The following GLI1 variants were observed in gnomAD, a reference collection of about 807,000 sequenced individuals.
GLI1 encodes the protein GLI family zinc finger 1, also known as transcription activator GLI1.
GLI1 carries 51 observed loss-of-function variants against 87.8 expected under a neutral mutation model. The ratio of observed to expected loss-of-function variants is 0.58; its 90% CI spans 0.46 to 0.73. The LOEUF (loss-of-function observed/expected upper bound fraction) is 0.73. Ranked by LOEUF, GLI1 falls within the 30% of genes least tolerant of loss-of-function variation. The pLI, the probability that GLI1 is intolerant of heterozygous loss-of-function variation, is 0.00. For synonymous variants in GLI1, 528 were observed against 558.2 expected, an observed-to-expected ratio of 0.95 and a Z score of 0.76; for missense variants, 1,292 against 1,437.2, an observed-to-expected ratio of 0.90 and a Z score of 1.63.
chr12:57,464,452 C>T (rs753664937), intron 3 of GLI1, among the ~76,000 whole-genome samples: 8 of 150,808 alleles, frequency 5.3e-5, no homozygotes, highest in Non-Finnish European at 8.8e-5. Context: ...AACCTGGGAA[C>T]GCAGAGGTTG....
Position 57,463,905 on chromosome 12 carries a change from T to C in GLI1, c.101-94T>C. On this transcript the variant is annotated intron_variant, in intron 2 of 11. Coordinates refer to ENST00000228682, the MANE Select transcript of GLI1 (RefSeq NM_005269.3). The stretch of plus-strand genomic sequence containing the variant: ...CAGGAGGATTTGAGGCCCCATGTCA[T>C]ATGGACCTGGAATCTGGGATCAGGT... The C allele has an allele frequency of 3.7e-6, 4 of 1,070,570 alleles. No individual in the cohort carries two copies. The South Asian group carries it at 5.1e-5, about 14-fold the overall frequency. The allele number at this position is 1,070,570 out of a possible 1,614,324, so 66.3% of individuals were successfully genotyped here.
At position 57,469,609 on chromosome 12, in the gene GLI1, G is replaced by A. The variant is rs759027001; in HGVS notation, c.1487G>A (p.Arg496His). The part of the protein sequence containing the change: ...CIAGTGLSTL[R>H]RLENLRLDQL... ...GCTGGCACTGGTCTGTCCACTCTTCGCCGCCTTGAGAACCTCAGGCTGGAC... is the reference window on the plus strand; with the variant it reads ...GCTGGCACTGGTCTGTCCACTCTTCACCGCCTTGAGAACCTCAGGCTGGAC... Residue 496 changes from arginine (R) to histidine (H), a missense_variant, in exon 11 of 12, where the codon CGC becomes CAC. Transcript: ENST00000228682. 3.1e-6 allele frequency: 5 copies of A among 1,614,050 alleles called. No individual in the cohort carries two copies. Among genetic ancestry groups the A allele is most frequent in the East Asian group, 2.2e-5 (1 of 44,870 alleles).
At chr12:57,463,180 G>A (rs1871253200) in intron 1 of GLI1, among the ~76,000 whole-genome samples, 1 of 152,134 alleles carries the variant, frequency 6.6e-6, no homozygotes, top group Non-Finnish European at 1.5e-5. Flanking sequence ...GCCTCTCTGG[G>A]ACATCATTTC....
Position 57,471,526 on chromosome 12 carries a change from A to C in GLI1, c.2786A>C (p.Lys929Thr). Residue 929 changes from lysine (K) to threonine (T), a missense_variant, in exon 12 of 12, where the codon AAG (lysine) becomes ACG (threonine). Transcript: ENST00000228682. The surrounding 1 kb of genome is among the most constrained non-coding windows in gnomAD (Gnocchi z 4.9). The part of the protein sequence containing the change: ...PAQEPSYQSP[K>T]FLGGSQVSPS... The stretch of plus-strand genomic sequence containing the variant: ...CAGGAACCTTCCTACCAGAGTCCCA[A>C]GTTTCTGGGGGGTTCCCAGGTTAGC... 6.2e-7 allele frequency: 1 copy of C among 1,612,538 alleles called. No individual in the cohort carries two copies. Among genetic ancestry groups the C allele is most frequent in the Non-Finnish European group, 8.5e-7 (1 of 1,179,420 alleles).
At chr12:57,468,925 T>C (rs896587032) in intron 10 of GLI1, among the ~76,000 whole-genome samples, 3 of 152,112 alleles carry the variant, frequency 2.0e-5, no homozygotes, top group African/African-American at 7.2e-5. Flanking sequence ...CTAATTTTTT[T>C]GTATTTTTAG....
intron 1 of GLI1, among the ~76,000 whole-genome samples, chr12:57,461,663 A>G (rs1162080888): frequency 6.6e-6 from 1 of 151,718 alleles, no homozygotes; most frequent in South Asian, 2.1e-4. Flanking sequence ...CCCCACCCCT[A>G]TGGCTCGCTC....
chr12:57,463,631 C>T, intron 1 of GLI1, 34 bp from the exon 2 acceptor site: 1 of 999,068 alleles, frequency 1.0e-6, no homozygotes, highest in Non-Finnish European at 1.6e-6. Flanking sequence ...GTCTCTATTT[C>T]CTCCACCTTT....
intron 5 of GLI1, 55 bp downstream of exon 5, chr12:57,465,310 T>G: frequency 7.1e-7 from 1 of 1,408,852 alleles, no homozygotes; most frequent in Non-Finnish European, 9.8e-7. Flanking sequence ...GGGTGGGTGG[T>G]GGATTTTGTA....
intron 1 of GLI1, 109 bp from the exon 2 acceptor site, chr12:57,463,556 T>G: frequency 1.4e-6 from 1 of 689,924 alleles, no homozygotes; most frequent in South Asian, 1.5e-5. Context: ...GCAGATGTCT[T>G]AGAGGGGTGG....
At position 57,471,876 on chromosome 12, in the gene GLI1, C is replaced by A; in HGVS notation, c.3136C>A (p.Gln1046Lys). Residue 1046 changes from glutamine (Q) to lysine (K), a missense_variant, in exon 12 of 12, where the codon CAG becomes AAG. Coordinates refer to ENST00000228682, the MANE Select transcript of GLI1 (RefSeq NM_005269.3). The surrounding 1 kb of genome is among the most constrained non-coding windows in gnomAD (Gnocchi z 4.9). ...GGACTCTCTTGATCTTGACAACACT[C>A]AGCTGGACTTTGTGGCTATTCTGGA... is the stretch of plus-strand genomic sequence containing the variant. Reference protein sequence around the residue: ...PLDSLDLDNTQLDFVAILDEP... With the variant: ...PLDSLDLDNTKLDFVAILDEP... 6.3e-7 allele frequency: 1 copy of A among 1,598,068 alleles called. No individual in the cohort carries two copies. Among genetic ancestry groups the A allele is most frequent in the East Asian group, 2.2e-5 (1 of 44,812 alleles).
intron 3 of GLI1, 114 bp downstream of exon 3, chr12:57,464,205 G>T: frequency 1.3e-6 from 1 of 774,986 alleles, no homozygotes. Context: ...GAGATGTGAG[G>T]CGTCAGAGCA....
At chr12:57,468,316 T>C (rs2139860468) in intron 10 of GLI1, 92 bp downstream of exon 10, 1 of 766,954 alleles carries the variant, frequency 1.3e-6, no homozygotes, top group Non-Finnish European at 2.2e-6. Flanking sequence ...TTCCCTCCTA[T>C]AGAAGTCACT....
chr12:57,470,707 G>T lies in GLI1; in HGVS notation c.1967G>T (p.Arg656Met). 6.2e-7 allele frequency: 1 copy of T among 1,612,532 alleles called. No homozygotes were observed. Among genetic ancestry groups the T allele is most frequent in the Non-Finnish European group, 8.5e-7 (1 of 1,179,270 alleles). The change falls in exon 12 of 12, where the codon AGG becomes ATG. Residue 656 changes from arginine (R) to methionine (M), a missense_variant. By Grantham distance (91) the Arg-to-Met change is moderately conservative (BLOSUM62 -1). This residue lies in a region of GLI1 where 897 missense variants were observed against 1,040.7 expected (regional missense o/e 0.86). Transcript: ENST00000228682. ...ADRPAPARVQ[R>M]FKSLGCVHTP... ...CGTCCTGCTCCAGCTAGAGTCCAGAGGTTCAAGAGCCTGGGCTGTGTCCAT... is the reference window on the plus strand; with the variant it reads ...CGTCCTGCTCCAGCTAGAGTCCAGATGTTCAAGAGCCTGGGCTGTGTCCAT...
Position 57,471,995 on chromosome 12 carries a change from G to A in GLI1, c.3255G>A (p.Val1085=). ...CCTCTGGGCCCCCCAACATGGCTGTGGGCAACATGAGTGTCTTACTGAGAT... is the reference window on the plus strand; with the variant it reads ...CCTCTGGGCCCCCCAACATGGCTGTAGGCAACATGAGTGTCTTACTGAGAT... ...PPPSGPPNMA[V]GNMSVLLRSL... Residue 1085 remains valine (V), a synonymous_variant, in exon 12 of 12, where the codon GTG becomes GTA. Coordinates refer to ENST00000228682, the MANE Select transcript of GLI1 (RefSeq NM_005269.3). The surrounding 1 kb of genome is among the most constrained non-coding windows in gnomAD (Gnocchi z 4.9). The A allele has an allele frequency of 6.4e-7, 1 of 1,571,944 alleles. No homozygotes were observed. The highest frequency in any genetic ancestry group is 8.6e-7 in the Non-Finnish European group (1 of 1,162,010).
chr12:57,470,599 G>A lies in GLI1; in HGVS notation c.1859G>A (p.Trp620Ter), dbSNP rs1474754798. ...ATAGGTGGTCTTCCCATGCCTCCTTGGAGAAGCCGAGCCGAGTATCCAGGA... is the reference window on the plus strand; with the variant it reads ...ATAGGTGGTCTTCCCATGCCTCCTTAGAGAAGCCGAGCCGAGTATCCAGGA... ...DRIGGLPMPPWRSRAEYPGYN... is the reference protein window; with the variant it reads ...DRIGGLPMPP The change falls in exon 12 of 12, where the codon TGG becomes TAG. Residue 620 changes from tryptophan (W) to a stop codon, truncating the protein, a stop_gained. Coordinates refer to ENST00000228682, the MANE Select transcript of GLI1 (RefSeq NM_005269.3). LOFTEE classifies it high-confidence loss of function. 2 of 1,614,052 alleles carry A rather than the reference G, an allele frequency of 1.2e-6. No individual in the cohort carries two copies. The highest frequency in any genetic ancestry group is 1.7e-6 in the Non-Finnish European group (2 of 1,180,014).
intron 10 of GLI1, 88 bp downstream of exon 10, chr12:57,468,312 C>T (rs1179954428): frequency 2.5e-6 from 2 of 799,352 alleles, no homozygotes; most frequent in Non-Finnish European, 4.1e-6. Context: ...TCCATTCCCT[C>T]CTATAGAAGT....
At chr12:57,468,436 C>CTCCT (rs1025219451) in intron 10 of GLI1, among the ~76,000 whole-genome samples, 34 of 151,890 alleles carry the variant, frequency 2.2e-4, no homozygotes, top group South Asian at 1.0e-3. Flanking sequence ...CTTTCTCTCT[C>CTCCT]TCCTTCCTTC....
intron 1 of GLI1, 29 bp from the exon 2 acceptor site, chr12:57,463,636 A>G: frequency 9.5e-7 from 1 of 1,048,082 alleles, no homozygotes; most frequent in South Asian, 1.3e-5. Flanking sequence ...TATTTCCTCC[A>G]CCTTTATACC....
chr12:57,464,576 C>A, intron 3 of GLI1, 97 bp from the exon 4 acceptor site: 4 of 732,522 alleles, frequency 5.5e-6, no homozygotes, highest in South Asian at 1.8e-5. Context: ...AAAGCAGAAT[C>A]AAGTATCATT....
Sources: allele counts gnomAD v4.1 joint callset (sites outside exome capture counted in the v4.1 genomes callset), GRCh38; gene constraint gnomAD v4.1.1; regional missense constraint gnomAD v4.1.1; non-coding constraint Gnocchi (gnomAD v3.1); transcripts MANE v1.5; gene names NCBI Gene and HGNC (gene_info 2026-07-23, HGNC 2026-07-21).